The following CAB39L variants were observed in gnomAD, a reference collection of about 807,000 sequenced individuals.
The protein encoded by CAB39L is calcium binding protein 39 like.
In CAB39L, 23 loss-of-function variants were observed where a neutral mutation model predicts 39.1. That is an observed-to-expected ratio of 0.59 (90% confidence interval 0.42 to 0.83). The LOEUF is 0.83. CAB39L is among the 40% of genes least tolerant of loss of function. The pLI is 0.00. For missense variants in CAB39L, 366 were observed against 391.9 expected (o/e 0.93, Z 0.56); for synonymous variants, 126 against 137.2 (o/e 0.92, Z 0.57).
At chr13:49,369,590 ATT>A (rs34632855) in intron 5 of CAB39L, among the ~76,000 whole-genome samples, 2 of 146,804 alleles carry the variant, frequency 1.4e-5, no homozygotes, top group Non-Finnish European at 3.0e-5. Flanking sequence ...GGCAAAGGAG[ATT>A]TTTTTTTTTT....
intron 3 of CAB39L, among the ~76,000 whole-genome samples, chr13:49,418,883 T>C (rs1957126320): frequency 6.6e-6 from 1 of 152,164 alleles, no homozygotes; most frequent in Non-Finnish European, 1.5e-5. Context: ...TTTAAAAGCA[T>C]CATTTTGCCA....
intron 6 of CAB39L, among the ~76,000 whole-genome samples, chr13:49,357,979 A>G (rs1000655374): frequency 1.2e-4 from 18 of 152,250 alleles, no homozygotes; most frequent in African/African-American, 4.3e-4. Flanking sequence ...ATATACTTTC[A>G]CCTTTCTGTG....
chr13:49,325,254 G>A (rs543982641), intron 10 of CAB39L, among the ~76,000 whole-genome samples: 4 of 152,244 alleles, frequency 2.6e-5, no homozygotes, highest in South Asian at 2.1e-4. Context: ...ATGCAAAAGG[G>A]TAAAATAAGA....
At chr13:49,354,309 G>A (rs1461841331) in intron 6 of CAB39L, among the ~76,000 whole-genome samples, 1 of 152,154 alleles carries the variant, frequency 6.6e-6, no homozygotes, top group African/African-American at 2.4e-5. Flanking sequence ...GATATACAGA[G>A]ATATATAGGG....
At chr13:49,338,817 C>A (rs1954921319) in intron 9 of CAB39L, among the ~76,000 whole-genome samples, 1 of 152,146 alleles carries the variant, frequency 6.6e-6, no homozygotes, top group Admixed American at 6.5e-5. Flanking sequence ...CCGTAAATAT[C>A]ATGTGAACAT....
rs1350039643 is a variant in CAB39L, at chr13:49,379,395, C to A, written c.112-2264G>T. On this transcript the variant is annotated intron_variant, in intron 4 of 10. Transcript: ENST00000409308. ...GGGATCCTGTTGATCTGTGACCTTACCCCCAACCCTGTGCTCTCTGAAACA... is the reference window on the plus strand; with the variant it reads ...GGGATCCTGTTGATCTGTGACCTTAACCCCAACCCTGTGCTCTCTGAAACA... Among the ~76,000 whole-genome samples, 11 of 24,186 alleles carry A rather than the reference C, an allele frequency of 4.5e-4. 2 individuals are homozygous for A. Among genetic ancestry groups the A allele is most frequent in the East Asian group, 4.2e-3 (11 of 2,602 alleles). The allele number at this position is 24,186 out of a possible 152,430, so 15.9% of individuals were successfully genotyped here.
chr13:49,311,513 A>C (rs1312013647), intron 10 of CAB39L, among the ~76,000 whole-genome samples: 1 of 152,150 alleles, frequency 6.6e-6, no homozygotes, highest in African/African-American at 2.4e-5. Flanking sequence ...GTCCCTCAGG[A>C]GGTATCCAGA....
At chr13:49,404,941 C>T (rs766556500) in intron 3 of CAB39L, among the ~76,000 whole-genome samples, 1 of 151,998 alleles carries the variant, frequency 6.6e-6, no homozygotes, top group Non-Finnish European at 1.5e-5. Flanking sequence ...AGAAAATAGC[C>T]TCAAAATGGC....
chr13:49,350,370 T>C (rs772164603), intron 7 of CAB39L, among the ~76,000 whole-genome samples: 1 of 152,252 alleles, frequency 6.6e-6, no homozygotes, highest in Non-Finnish European at 1.5e-5. Context: ...TGTTGCTGTT[T>C]CCTATGCATC....
Position 49,350,867 on chromosome 13 carries a change from T to A in CAB39L, c.441A>T (p.Arg147Ser). Residue 147 changes from arginine to serine, a missense_variant, in exon 7 of 11, where the codon AGA becomes AGT. By Grantham distance (110) the Arg-to-Ser change is moderately radical. Coordinates refer to ENST00000409308, the MANE Select transcript of CAB39L (RefSeq NM_001079670.3). The stretch of plus-strand genomic sequence containing the variant: ...CAAGTGGTTCATGTCGAATACATTC[T>A]CTCAGCATAATCCCACAACGTAAGG... ...QIALRCGIMLRECIRHEPLAK... is the reference protein window; with the variant it reads ...QIALRCGIMLSECIRHEPLAK... 3 of 1,611,588 alleles carry A rather than the reference T, an allele frequency of 1.9e-6. No homozygotes were observed. The highest frequency in any genetic ancestry group is 2.5e-6 in the Non-Finnish European group (3 of 1,178,900).
At chr13:49,441,040 A>T (rs2138758653) in intron 1 of CAB39L, among the ~76,000 whole-genome samples, 1 of 151,472 alleles carries the variant, frequency 6.6e-6, no homozygotes, top group Admixed American at 6.6e-5. Context: ...CTGAGCTCTT[A>T]TTTCTGAATT....
At chr13:49,376,115 CTG>C (rs1445856124) in intron 5 of CAB39L, among the ~76,000 whole-genome samples, 15 of 152,370 alleles carry the variant, frequency 9.8e-5, no homozygotes, top group African/African-American at 3.4e-4. Flanking sequence ...ACAGTAATCA[CTG>C]TCATTAGTTT....
intron 10 of CAB39L, among the ~76,000 whole-genome samples, chr13:49,322,080 A>T (rs1443753381): frequency 6.6e-6 from 1 of 152,196 alleles, no homozygotes; most frequent in Admixed American, 6.5e-5. Context: ...CATCACCAGA[A>T]TCAATTTTAG....
chr13:49,342,025 G>A (rs947816653), intron 8 of CAB39L, among the ~76,000 whole-genome samples: 2 of 151,944 alleles, frequency 1.3e-5, no homozygotes, highest in African/African-American at 4.8e-5. Flanking sequence ...AGGACAACTG[G>A]CAAAAATAAA....
At chr13:49,311,565 T>C (rs961833018) in intron 10 of CAB39L, among the ~76,000 whole-genome samples, 2 of 152,172 alleles carry the variant, frequency 1.3e-5, no homozygotes, top group Admixed American at 6.5e-5. Flanking sequence ...TCCATGGGTG[T>C]TATGGCCCCT....
intron 10 of CAB39L, among the ~76,000 whole-genome samples, chr13:49,325,313 G>T (rs1299429579): frequency 6.6e-6 from 1 of 152,238 alleles, no homozygotes; most frequent in Non-Finnish European, 1.5e-5. Context: ...TTTAAAAGCA[G>T]TTGGTGAGAC....
chr13:49,349,455 C>CATATATATATAT lies in CAB39L; in HGVS notation c.564+1277_564+1288dup, dbSNP rs34379188. Among the ~76,000 whole-genome samples the CATATATATATAT allele has an allele frequency of 2.4e-4, 34 of 141,802 alleles. 1 individual carries two copies. The highest frequency in any genetic ancestry group is 8.2e-4 in the African/African-American group (32 of 38,876). The allele number at this position is 141,802 out of a possible 152,430, so 93.0% of individuals were successfully genotyped here. A position where few individuals can be genotyped will look rare whatever the true frequency, so the allele number is the denominator to read the frequency against. Reference sequence around the variant, plus strand: ...GCTTTTGAAGAAATGAATCTGAATACATATATATATATATATATATATACA... The same window carrying CATATATATATAT: ...GCTTTTGAAGAAATGAATCTGAATACATATATATATATATATATATATATATATATATATACA... On this transcript the variant is annotated intron_variant, in intron 7 of 10. Transcript: ENST00000409308.
rs111738933 is a variant in CAB39L at position 49,328,703 on chromosome 13, G to A, written c.834+3244C>T. On this transcript the variant is annotated intron_variant, in intron 10 of 10. Coordinates refer to ENST00000409308, the MANE Select transcript of CAB39L (RefSeq NM_001079670.3). Reference sequence around the variant, plus strand: ...AATAGAATTAGTTGGGCATGGTAAGGGCAGGCCTACAATCCCAGCTACTCA... The same window carrying A: ...AATAGAATTAGTTGGGCATGGTAAGAGCAGGCCTACAATCCCAGCTACTCA... Among the ~76,000 whole-genome samples the A allele has an allele frequency of 9.0e-3, 1,374 of 152,088 alleles. 23 individuals are homozygous for A. Among genetic ancestry groups the A allele is most frequent in the African/African-American group, 0.032 (1,311 of 41,480 alleles).
chr13:49,397,906 C>A (rs1956676633), intron 3 of CAB39L, among the ~76,000 whole-genome samples: 2 of 152,032 alleles, frequency 1.3e-5, no homozygotes, highest in Non-Finnish European at 2.9e-5. Flanking sequence ...AGTTTTCATT[C>A]TTTCTTGTAA....
Sources: gnomAD v4.1 joint callset for allele counts (sites outside exome capture counted in the v4.1 genomes callset) on GRCh38, gnomAD v4.1.1 for gene constraint, MANE v1.5 for transcripts, NCBI Gene and HGNC (gene_info 2026-07-23, HGNC 2026-07-21) for gene names.